GTF3C4: variants seen among roughly 807,000 people sequenced by gnomAD.
GTF3C4 encodes general transcription factor 3C polypeptide 4.
A neutral mutation model predicts 67.5 loss-of-function variants in GTF3C4; 28 were observed. That is an observed-to-expected ratio of 0.41 (90% CI 0.31 to 0.57). GTF3C4 has a LOEUF of 0.57. Ranked by LOEUF, GTF3C4 falls within the 20% of genes least tolerant of loss-of-function variation. The probability of loss-of-function intolerance (pLI) is 0.21; values close to 1 mark genes in which losing one functional copy is unlikely to be tolerated. For synonymous variants in GTF3C4, 409 were observed against 393.0 expected (o/e 1.04, Z -0.48); for missense variants, 831 against 1,033.2 (o/e 0.80, Z 2.68).
chr9:132,692,965 T>C lies in GTF3C4; in HGVS notation c.*4020T>C, dbSNP rs920521051. ...ATGGTATCTGCTGTTCAACCTAGTA[T>C]AGAGCATGTGAAATGCAACTGTCCT... On this transcript the variant is annotated 3_prime_UTR_variant, in exon 5 of 5. Transcript: ENST00000372146. 5.3e-5 allele frequency: 8 copies of C among 152,212 alleles called. No homozygotes were observed. Among genetic ancestry groups the C allele is most frequent in the African/African-American group, 1.9e-4 (8 of 41,446 alleles). The allele number at this position is 152,212 out of a possible 1,614,324, so 9.4% of individuals were successfully genotyped here. A position where few individuals can be genotyped will look rare whatever the true frequency, so the allele number is the denominator to read the frequency against.
intron 3 of GTF3C4, among the ~76,000 whole-genome samples, chr9:132,686,816 A>C (rs546216346): frequency 6.6e-6 from 1 of 152,216 alleles, no homozygotes; most frequent in Non-Finnish European, 1.5e-5. Flanking sequence ...CAGAAGGATC[A>C]CTTGAGCTCA....
chr9:132,670,306 T>G (rs1835672380), upstream of GTF3C4: 2 of 1,496,256 alleles, frequency 1.3e-6, no homozygotes, highest in East Asian at 4.8e-5. Flanking sequence ...CTTTAGGAAC[T>G]AAAGCCTGTC....
intron 1 of GTF3C4, among the ~76,000 whole-genome samples, chr9:132,673,352 T>C (rs377090): frequency 0.48 from 72,195 of 151,852 alleles, 17,904 homozygotes; most frequent in African/African-American, 0.61. Context: ...CTTATATAGC[T>C]CTCTTATAGT....
At chr9:132,675,895 C>CTTTTTTTTTTTTTTTTTT (rs72145516) in intron 1 of GTF3C4, among the ~76,000 whole-genome samples, 2 of 89,042 alleles carry the variant, frequency 2.2e-5, no homozygotes, top group Non-Finnish European at 4.0e-5. Context: ...TCCAGTTACC[C>CTTTTTTTTTTTTTTTTTT]TTTTTTTTTT....
chr9:132,681,290 A>C (rs767851581), intron 2 of GTF3C4, among the ~76,000 whole-genome samples: 23 of 152,198 alleles, frequency 1.5e-4, no homozygotes, highest in Admixed American at 1.4e-3. Context: ...CAGATACTCC[A>C]TGAGCCTGGG....
At chr9:132,687,831 A>G (rs1416905136) in intron 4 of GTF3C4, among the ~76,000 whole-genome samples, 4 of 152,198 alleles carry the variant, frequency 2.6e-5, no homozygotes, top group African/African-American at 9.7e-5. Flanking sequence ...CTACCTGGAA[A>G]TAAGATTGTA....
intron 3 of GTF3C4, among the ~76,000 whole-genome samples, chr9:132,686,827 G>A (rs181333022): frequency 4.2e-4 from 64 of 152,320 alleles, no homozygotes; most frequent in Admixed American, 2.4e-3. Context: ...CTTGAGCTCA[G>A]GAGTTCAAGG....
chr9:132,670,471 C>G lies in GTF3C4; in HGVS notation c.-128C>G. 4 of 976,836 alleles carry G rather than the reference C, an allele frequency of 4.1e-6. No homozygotes were observed. Among genetic ancestry groups the G allele is most frequent in the Non-Finnish European group, 5.6e-6 (4 of 715,366 alleles). 60.5% of individuals were successfully genotyped at this position (976,836 alleles called of 1,614,324 possible). A position where few individuals can be genotyped will look rare whatever the true frequency, so the allele number is the denominator to read the frequency against. On this transcript the variant is annotated 5_prime_UTR_variant, in exon 1 of 5. Transcript: ENST00000372146. ...GGCAACGGCGGGGTCCTTCTTGGCTCGGCGGCGCTCGGGGCCTGAGGGGAG... is the reference window on the plus strand; with the variant it reads ...GGCAACGGCGGGGTCCTTCTTGGCTGGGCGGCGCTCGGGGCCTGAGGGGAG...
At chr9:132,685,834 A>C (rs1836018353) in intron 3 of GTF3C4, among the ~76,000 whole-genome samples, 1 of 152,236 alleles carries the variant, frequency 6.6e-6, no homozygotes, top group Non-Finnish European at 1.5e-5. Flanking sequence ...TTGTGAAAAT[A>C]AGTTACTAGG....
At position 132,691,044 on chromosome 9, in the gene GTF3C4, G is replaced by A. The variant is rs1289661003; in HGVS notation, c.*2099G>A. 1.3e-5 allele frequency: 2 copies of A among 152,172 alleles called. No homozygotes were observed. The highest frequency in any genetic ancestry group is 2.4e-5 in the African/African-American group (1 of 41,434). The allele number at this position is 152,172 out of a possible 1,614,324, so 9.4% of individuals were successfully genotyped here. A position where few individuals can be genotyped will look rare whatever the true frequency, so the allele number is the denominator to read the frequency against. ...CTCTCTAGGAGTAAACATGGCAACA[G>A]TTTTTCTAGAACGTGGACTCACTGC... On this transcript the variant is annotated 3_prime_UTR_variant, in exon 5 of 5. Coordinates refer to ENST00000372146, the MANE Select transcript of GTF3C4 (RefSeq NM_012204.4).
At chr9:132,677,370 C>G (rs1418566990) in intron 1 of GTF3C4, among the ~76,000 whole-genome samples, 1 of 152,148 alleles carries the variant, frequency 6.6e-6, no homozygotes, top group Non-Finnish European at 1.5e-5. Context: ...CCACTGCACT[C>G]CAGCCCGGGC....
Position 132,670,609 on chromosome 9 carries a change from C to T in GTF3C4, c.11C>T (p.Ala4Val), listed in dbSNP as rs1367488266. The T allele has an allele frequency of 6.9e-7, 1 of 1,447,270 alleles. No homozygotes were observed. The allele number at this position is 1,447,270 out of a possible 1,614,324, so 89.7% of individuals were successfully genotyped here. MNT[A>V]DQARVGPADD... ...TGCACCTGAGAGAAGATGAACACGG[C>T]CGACCAGGCCCGGGTGGGGCCCGCG... The change falls in exon 1 of 5, where the codon GCC becomes GTC. Residue 4 changes from alanine (A) to valine (V), a missense_variant. This residue lies in a region of GTF3C4 where 237 missense variants were observed against 212.7 expected (regional missense o/e 1.11). Coordinates refer to ENST00000372146, the MANE Select transcript of GTF3C4 (RefSeq NM_012204.4).
intron 3 of GTF3C4, among the ~76,000 whole-genome samples, chr9:132,684,267 AG>A (rs1835991896): frequency 6.6e-6 from 1 of 152,134 alleles, no homozygotes; most frequent in Admixed American, 6.6e-5. Context: ...CCCTAAGTCT[AG>A]GCTTATATAT....
chr9:132,683,621 G>C lies in GTF3C4; in HGVS notation c.2243G>C (p.Ser748Thr). ...AAACAGACTTTCCCTGAGCACTGTA[G>C]TTTGTGTAAAGAGATCTTGCCATTC... ...MNKQTFPEHC[S>T]LCKEILPFTD... Residue 748 changes from serine (S) to threonine (T), a missense_variant, in exon 3 of 5, where the codon AGT (serine) becomes ACT (threonine). Ser to Thr is a moderately conservative substitution (Grantham distance 58). Around this residue, in one of 4 missense-constraint regions of GTF3C4, gnomAD observed 129 missense variants for 213.8 expected, o/e 0.60. Coordinates refer to ENST00000372146, the MANE Select transcript of GTF3C4 (RefSeq NM_012204.4). 1 of 1,613,540 alleles carries C rather than the reference G, an allele frequency of 6.2e-7. No individual in the cohort carries two copies. Among genetic ancestry groups the C allele is most frequent in the African/African-American group, 1.3e-5 (1 of 75,048 alleles).
intron 1 of GTF3C4, among the ~76,000 whole-genome samples, chr9:132,673,378 A>G (rs957132850): frequency 4.6e-5 from 7 of 151,678 alleles, no homozygotes; most frequent in African/African-American, 1.7e-4. Flanking sequence ...AATGGCTTCT[A>G]TGAAATTAAT....
Position 132,670,862 on chromosome 9 carries a change from G to T in GTF3C4, c.264G>T (p.Val88=). 1.9e-6 allele frequency: 3 copies of T among 1,612,210 alleles called. No individual in the cohort carries two copies. The highest frequency in any genetic ancestry group is 8.5e-7 in the Non-Finnish European group (1 of 1,179,900). The change falls in exon 1 of 5, where the codon GTG becomes GTT. Residue 88 remains valine (V), a synonymous_variant. Coordinates refer to ENST00000372146, the MANE Select transcript of GTF3C4 (RefSeq NM_012204.4). ...VSVSTARSIA[V]LELICDVHNP... is the part of the protein sequence containing the mutation. Reference sequence around the variant, plus strand: ...TGTCCACGGCCCGCAGCATCGCTGTGCTGGAGCTCATCTGCGACGTGCACA... The same window carrying T: ...TGTCCACGGCCCGCAGCATCGCTGTTCTGGAGCTCATCTGCGACGTGCACA...
intron 3 of GTF3C4, 75 bp downstream of exon 3, chr9:132,683,768 A>G (rs1392339158): frequency 2.2e-6 from 3 of 1,379,108 alleles, no homozygotes; most frequent in East Asian, 2.4e-5. Flanking sequence ...ATGTGACAGA[A>G]TAGCAACTTT....
At chr9:132,681,774 G>A (rs775164070) in intron 2 of GTF3C4, among the ~76,000 whole-genome samples, 1 of 152,084 alleles carries the variant, frequency 6.6e-6, no homozygotes, top group Non-Finnish European at 1.5e-5. Context: ...TGAGAGTTCA[G>A]CTTGCCGAGA....
chr9:132,688,778 T>A, intron 4 of GTF3C4, 103 bp from the exon 5 acceptor site: 1 of 824,514 alleles, frequency 1.2e-6, no homozygotes, highest in South Asian at 1.4e-5. Flanking sequence ...ATTGCAGAGG[T>A]GGGACCAGAA....
Sources: allele counts gnomAD v4.1 joint callset (sites outside exome capture counted in the v4.1 genomes callset), GRCh38; gene constraint gnomAD v4.1.1; regional missense constraint gnomAD v4.1.1; transcripts MANE v1.5; gene names NCBI Gene and HGNC (gene_info 2026-07-23, HGNC 2026-07-21).